METTL21C: variants seen among roughly 807,000 people sequenced by gnomAD.
METTL21C encodes the protein protein-lysine methyltransferase METTL21C.
In METTL21C, 21 loss-of-function variants were observed where a neutral mutation model predicts 25.9. The observed-to-expected ratio is 0.81, with a 90% CI of 0.58 to 1.17. The LOEUF (loss-of-function observed/expected upper bound fraction) is 1.17, where lower values mean the gene tolerates loss of function less well. Among genes scored for constraint, METTL21C ranks in the 50% most tolerant of loss-of-function variants. The pLI, the probability that METTL21C is intolerant of heterozygous loss-of-function variation, is 0.00. For synonymous variants in METTL21C, 125 were observed against 124.7 expected, an observed-to-expected ratio of 1.00 and a Z score of -0.01; for missense variants, 312 against 315.1, an observed-to-expected ratio of 0.99 and a Z score of 0.07.
chr13:102,695,221 A>G (rs1885928665), upstream of METTL21C, among the ~76,000 whole-genome samples: 3 of 152,234 alleles, frequency 2.0e-5, no homozygotes, highest in South Asian at 6.2e-4. Flanking sequence ...GAGGAAGGGA[A>G]TGCTTTGGGG....
At chr13:102,698,970 T>C (rs1885990291), upstream of METTL21C, among the ~76,000 whole-genome samples, 1 of 152,160 alleles carries the variant, frequency 6.6e-6, no homozygotes, top group African/African-American at 2.4e-5. Flanking sequence ...TCACCATCCA[T>C]CACTGTGTAT....
chr13:102,686,004 A>G lies in METTL21C; in HGVS notation c.*27T>C. The G allele has an allele frequency of 6.5e-7, 1 of 1,541,284 alleles. No homozygotes were observed. The highest frequency in any genetic ancestry group is 1.4e-5 in the African/African-American group (1 of 72,966). On this transcript the variant is annotated 3_prime_UTR_variant, in exon 4 of 4. Transcript: ENST00000267273. Reference sequence around the variant, plus strand: ...TAACACATTGCTCAAAAGACACAGTAACGTTGTGAAAGGCATTTTGTTGGA... The same window carrying G: ...TAACACATTGCTCAAAAGACACAGTGACGTTGTGAAAGGCATTTTGTTGGA...
At chr13:102,703,973 T>C in the METTL21C span, among the ~76,000 whole-genome samples, 2 of 152,248 alleles carry the variant, frequency 1.3e-5, no homozygotes, top group Non-Finnish European at 2.9e-5. Context: ...AAAGACTTTA[T>C]GGCTATCACA....
In METTL21C at chr13:102,694,952, T is replaced by C. The variant is rs1213087226; in HGVS notation, c.-454A>G. On this transcript the variant is annotated 5_prime_UTR_variant, in exon 1 of 4. Coordinates refer to ENST00000267273, the MANE Select transcript of METTL21C (RefSeq NM_001010977.3). Reference sequence around the variant, plus strand: ...CACGCACAGTCCTAGCAACATTCAATGGAATTCCCTTCAAAAGTTTCAGGA... The same window carrying C: ...CACGCACAGTCCTAGCAACATTCAACGGAATTCCCTTCAAAAGTTTCAGGA... Among the ~76,000 whole-genome samples the C allele has an allele frequency of 1.3e-5, 2 of 150,880 alleles. No homozygotes were observed. The highest frequency in any genetic ancestry group is 2.4e-5 in the African/African-American group (1 of 40,940).
chr13:102,692,125 G>A (rs1278057306), intron 1 of METTL21C, among the ~76,000 whole-genome samples: 1 of 152,184 alleles, frequency 6.6e-6, no homozygotes, highest in African/African-American at 2.4e-5. Flanking sequence ...TGTTTAACCG[G>A]GGGTCAAATA....
chr13:102,697,385 G>A (rs78488933), upstream of METTL21C, among the ~76,000 whole-genome samples: 2,575 of 152,196 alleles, frequency 0.017, 61 homozygotes, highest in African/African-American at 0.059. Flanking sequence ...GTGCACGGAG[G>A]ATGCTGCAAA....
upstream of METTL21C, among the ~76,000 whole-genome samples, chr13:102,698,823 C>T (rs112457980): frequency 3.5e-4 from 53 of 152,304 alleles, 1 homozygote; most frequent in African/African-American, 1.3e-3. Flanking sequence ...ACACAGTGGG[C>T]ATATGAACCT....
chr13:102,696,074 A>G (rs988119630), upstream of METTL21C, among the ~76,000 whole-genome samples: 1 of 151,758 alleles, frequency 6.6e-6, no homozygotes. Context: ...TTTTTTTTGT[A>G]TCAACTTCTA....
chr13:102,689,786 G>T (rs1885779673), intron 2 of METTL21C, among the ~76,000 whole-genome samples: 1 of 152,222 alleles, frequency 6.6e-6, no homozygotes, highest in Non-Finnish European at 1.5e-5. Flanking sequence ...CAGCTGAAAG[G>T]TGGAAAGAAT....
At chr13:102,686,743 T>C (rs562411053) in intron 3 of METTL21C, among the ~76,000 whole-genome samples, 197 bp downstream of exon 3, 4 of 152,314 alleles carry the variant, frequency 2.6e-5, no homozygotes, top group Admixed American at 6.5e-5. Context: ...AACTGGTTGA[T>C]TGGAGTTTAT....
At chr13:102,697,898 A>G (rs1449884330), upstream of METTL21C, among the ~76,000 whole-genome samples, 2 of 152,196 alleles carry the variant, frequency 1.3e-5, no homozygotes, top group African/African-American at 2.4e-5. Flanking sequence ...GAAAGGAGGC[A>G]AAACACACAC....
At chr13:102,701,819 A>C in the METTL21C span, among the ~76,000 whole-genome samples, 1 of 152,192 alleles carries the variant, frequency 6.6e-6, no homozygotes, top group African/African-American at 2.4e-5. Flanking sequence ...GATATATAAA[A>C]AAGTTTGGTA....
chr13:102,689,014 G>A (rs1449638099), intron 2 of METTL21C, among the ~76,000 whole-genome samples: 1 of 152,190 alleles, frequency 6.6e-6, no homozygotes, highest in Non-Finnish European at 1.5e-5. Context: ...AGAGGCTAGT[G>A]TTTGGTGCAT....
Position 102,691,062 on chromosome 13 carries a change from C to A in METTL21C, c.131-98G>T, listed in dbSNP as rs920796289. On this transcript the variant is annotated intron_variant, in intron 1 of 3. Transcript: ENST00000267273. The stretch of plus-strand genomic sequence containing the variant: ...GCTAAGATGGCATTAGATTGAATGA[C>A]CTTTACATAAAGAGAAGGGATGATG... The A allele has an allele frequency of 5.9e-6, 8 of 1,351,940 alleles. No individual in the cohort carries two copies. The African/African-American group carries it at 8.8e-5, about 15-fold the overall frequency. 83.7% of individuals were successfully genotyped at this position (1,351,940 alleles called of 1,614,324 possible).
At chr13:102,693,641 C>G (rs183634557) in intron 1 of METTL21C, among the ~76,000 whole-genome samples, 15 of 152,308 alleles carry the variant, frequency 9.8e-5, no homozygotes, top group Middle Eastern at 3.4e-3. Context: ...TAGACATACA[C>G]GTATTCTCTC....
intron 2 of METTL21C, among the ~76,000 whole-genome samples, chr13:102,688,470 C>T (rs542882232): frequency 2.0e-4 from 30 of 152,234 alleles, no homozygotes; most frequent in East Asian, 1.4e-3. Context: ...ACAGAGCCGC[C>T]GAGGAGTCTG....
rs941269719 is a variant in METTL21C at position 102,694,407 on chromosome 13, C to T, written c.92G>A (p.Gly31Glu). ...CCCGGTGCTGTCTTTCTGCGGAGCC[C>T]CCTTCTTCTCAGCCTCTAACCAGCC... ...PGGWLEAEKK[G>E]APQKDSTGGV... The change falls in exon 1 of 4, where the codon GGG becomes GAG. Residue 31 changes from glycine (G) to glutamate (E), a missense_variant. Physicochemically the swap from Gly to Glu is moderately conservative, Grantham distance 98 (BLOSUM62 -2). Coordinates refer to ENST00000267273, the MANE Select transcript of METTL21C (RefSeq NM_001010977.3). 1 of 1,488,440 alleles carries T rather than the reference C, an allele frequency of 6.7e-7. No homozygotes were observed. The highest frequency in any genetic ancestry group is 2.1e-5 in the Admixed American group (1 of 47,956). 92.2% of individuals were successfully genotyped at this position (1,488,440 alleles called of 1,614,324 possible).
At chr13:102,696,668 T>C (rs1348884031), upstream of METTL21C, among the ~76,000 whole-genome samples, 1 of 152,154 alleles carries the variant, frequency 6.6e-6, no homozygotes, top group Non-Finnish European at 1.5e-5. Context: ...TGGACTTACC[T>C]GTAGGCAGAG....
chr13:102,690,694 T>C, intron 2 of METTL21C, 119 bp downstream of exon 2: 1 of 1,232,266 alleles, frequency 8.1e-7, no homozygotes, highest in Non-Finnish European at 1.1e-6. Flanking sequence ...GGCAAGCAAC[T>C]GAACCTCAAA....
Sources: allele counts gnomAD v4.1 joint callset (sites outside exome capture counted in the v4.1 genomes callset), GRCh38; gene constraint gnomAD v4.1.1; transcripts MANE v1.5; gene names NCBI Gene and HGNC (gene_info 2026-07-23, HGNC 2026-07-21).